The following DENND2C variants were observed in gnomAD, a reference collection of about 807,000 sequenced individuals.
The protein encoded by DENND2C is DENN domain-containing protein 2C.
In DENND2C, 72 loss-of-function variants were observed where a neutral mutation model predicts 112.4. That is an observed-to-expected ratio of 0.64 (90% CI 0.53 to 0.78). DENND2C has a LOEUF of 0.78. DENND2C is among the 30% of genes least tolerant of loss of function. DENND2C has a pLI of 0.00. For synonymous variants in DENND2C, 329 were observed against 381.6 expected (o/e 0.86, Z 1.61); for missense variants, 992 against 1,113.8 (o/e 0.89, Z 1.56).
At chr1:114,620,042 G>A (rs992980367) in intron 7 of DENND2C, among the ~76,000 whole-genome samples, 13 of 152,172 alleles carry the variant, frequency 8.5e-5, no homozygotes, top group Admixed American at 2.0e-4. Flanking sequence ...GGAAGGAAAG[G>A]AAGAGTGGGG....
At chr1:114,593,140 T>A (rs531334016) in intron 18 of DENND2C, among the ~76,000 whole-genome samples, 2 of 152,248 alleles carry the variant, frequency 1.3e-5, no homozygotes, top group African/African-American at 4.8e-5. Flanking sequence ...CCCACACTCC[T>A]GGCAGTTTAC....
At chr1:114,668,740 G>T (rs1033772726) in intron 1 of DENND2C, among the ~76,000 whole-genome samples, 1 of 151,974 alleles carries the variant, frequency 6.6e-6, no homozygotes, top group Admixed American at 6.6e-5. Flanking sequence ...GAACAAAAAC[G>T]TCTATAATAA....
intron 3 of DENND2C, among the ~76,000 whole-genome samples, chr1:114,627,541 A>G (rs1656379170): frequency 6.6e-6 from 1 of 151,848 alleles, no homozygotes; most frequent in Non-Finnish European, 1.5e-5. Flanking sequence ...TTCTGGGAAA[A>G]CCAGCTTTGC....
chr1:114,631,576 G>A lies in DENND2C; in HGVS notation c.-204-5388C>T, dbSNP rs373513881. On this transcript the variant is annotated intron_variant, in intron 3 of 20. Transcript: ENST00000393274. Reference sequence around the variant, plus strand: ...AGGCAGGCGGATCATGAGGTCAGGAGATCGAGACCATCCTGGCTAACACGG... The same window carrying A: ...AGGCAGGCGGATCATGAGGTCAGGAAATCGAGACCATCCTGGCTAACACGG... 5.3e-5 allele frequency among the ~76,000 whole-genome samples: 8 copies of A among 152,156 alleles called. No individual in the cohort carries two copies. The South Asian group carries it at 1.5e-3, about 28-fold the overall frequency.
chr1:114,598,911 G>A (rs1423769205), intron 16 of DENND2C, among the ~76,000 whole-genome samples: 1 of 151,920 alleles, frequency 6.6e-6, no homozygotes, highest in Non-Finnish European at 1.5e-5. Context: ...CAAACTCCTT[G>A]ACTTCAAGTG....
At chr1:114,626,760 C>G (rs1247394106) in intron 3 of DENND2C, among the ~76,000 whole-genome samples, 1 of 152,080 alleles carries the variant, frequency 6.6e-6, no homozygotes, top group East Asian at 1.9e-4. Context: ...CAATCCACCC[C>G]CTTGGCCTCC....
chr1:114,625,443 A>G lies in DENND2C; in HGVS notation c.542T>C (p.Leu181Pro). 4 of 1,614,180 alleles carry G rather than the reference A, an allele frequency of 2.5e-6. No individual in the cohort carries two copies. Among genetic ancestry groups the G allele is most frequent in the Non-Finnish European group, 3.4e-6 (4 of 1,180,030 alleles). ...CTTGGTTATTCCGTATGAACTATCC[A>G]GAACTCTGAAGTTCAGTTCTTTTTC... ...SSEKELNFRVLDSSYGITKSL... is the reference protein window; with the variant it reads ...SSEKELNFRVPDSSYGITKSL... Residue 181 changes from leucine to proline, a missense_variant, in exon 4 of 21, where the codon CTG becomes CCG. Leu to Pro is a moderately conservative substitution (Grantham distance 98). Transcript: ENST00000393274.
chr1:114,621,960 A>C lies in DENND2C; in HGVS notation c.1162T>G (p.Leu388Val). Residue 388 changes from leucine (L) to valine (V), a missense_variant, in exon 7 of 21, where the codon TTA becomes GTA. Leu to Val is a conservative substitution (Grantham distance 32, BLOSUM62 1). Coordinates refer to ENST00000393274, the MANE Select transcript of DENND2C (RefSeq NM_001256404.2). The part of the protein sequence containing the change: ...LTKDTTLPVT[L>V]TEWKLFRAGE... ...GCTCGGAAAAGCTTCCATTCCGTTA[A>C]AGTGACCGGCAAAGTTGTATCTTTT... The C allele has an allele frequency of 6.4e-7, 1 of 1,550,766 alleles. No homozygotes were observed. The highest frequency in any genetic ancestry group is 8.7e-7 in the Non-Finnish European group (1 of 1,147,016).
chr1:114,648,909 T>C (rs1657073051), intron 2 of DENND2C, among the ~76,000 whole-genome samples: 1 of 152,166 alleles, frequency 6.6e-6, no homozygotes, highest in African/African-American at 2.4e-5. Context: ...AATGCAATGT[T>C]ATTAACTGTC....
At chr1:114,621,856 G>A in intron 7 of DENND2C, 39 bp downstream of exon 7, 1 of 1,548,314 alleles carries the variant, frequency 6.5e-7, no homozygotes, top group South Asian at 1.2e-5. Context: ...TGGAAATGCT[G>A]AAGTAAGAGT....
Position 114,667,946 on chromosome 1 carries a change from C to A in DENND2C, c.-574+2037G>T, listed in dbSNP as rs77459421. Among the ~76,000 whole-genome samples, 256 of 152,216 alleles carry A rather than the reference C, an allele frequency of 1.7e-3. 5 individuals are homozygous for A. The South Asian group carries it at 0.028, about 17-fold the overall frequency. ...TACATGTAAAGAATTTAGAATACTG[C>A]CTGGCACAGACTAGGTACCAATGAA... is the stretch of plus-strand genomic sequence containing the variant. On this transcript the variant is annotated intron_variant, in intron 1 of 20. Transcript: ENST00000393274.
At chr1:114,654,015 A>G (rs937270149) in intron 2 of DENND2C, among the ~76,000 whole-genome samples, 1 of 152,240 alleles carries the variant, frequency 6.6e-6, no homozygotes, top group Non-Finnish European at 1.5e-5. Context: ...ATTAACTTTA[A>G]TCTGTAAGAA....
chr1:114,586,246 A>T (rs1015859201), intron 20 of DENND2C, among the ~76,000 whole-genome samples: 4 of 152,202 alleles, frequency 2.6e-5, no homozygotes, highest in African/African-American at 9.6e-5. Context: ...CTTGTAAGAA[A>T]TCCTCTTTTG....
At chr1:114,622,903 G>T in intron 6 of DENND2C, 84 bp downstream of exon 6, 1 of 1,010,910 alleles carries the variant, frequency 9.9e-7, no homozygotes, top group Non-Finnish European at 1.4e-6. Context: ...TCTTAGTTCT[G>T]GACCCAGTTA....
At chr1:114,640,184 C>A (rs1656785579) in intron 3 of DENND2C, among the ~76,000 whole-genome samples, 1 of 152,176 alleles carries the variant, frequency 6.6e-6, no homozygotes, top group Admixed American at 6.5e-5. Flanking sequence ...TTTCCCTTGG[C>A]TCCATAAAGT....
At chr1:114,599,558 A>T in intron 15 of DENND2C, 107 bp from the exon 16 acceptor site, 1 of 871,066 alleles carries the variant, frequency 1.1e-6, no homozygotes, top group Non-Finnish European at 1.6e-6. Context: ...GTGATCATAG[A>T]TTAAAAACTA....
At chr1:114,592,160 T>C (rs1353967146) in intron 18 of DENND2C, among the ~76,000 whole-genome samples, 1 of 151,998 alleles carries the variant, frequency 6.6e-6, no homozygotes, top group East Asian at 1.9e-4. Flanking sequence ...GCTGGGATTA[T>C]AGATGTGAGC....
At chr1:114,645,269 C>G (rs970292123) in intron 3 of DENND2C, among the ~76,000 whole-genome samples, 179 bp downstream of exon 3, 4 of 152,062 alleles carry the variant, frequency 2.6e-5, no homozygotes, top group Non-Finnish European at 5.9e-5. Context: ...GAGATCAGGT[C>G]TCTTGAGAGG....
chr1:114,625,128 A>G (rs548327532), intron 4 of DENND2C, 51 bp downstream of exon 4: 1 of 1,505,270 alleles, frequency 6.6e-7, no homozygotes, highest in South Asian at 1.4e-5. Flanking sequence ...AAGCTCAATA[A>G]TCCTGTAAGG....
Sources: gnomAD v4.1 joint callset for allele counts (sites outside exome capture counted in the v4.1 genomes callset) on GRCh38, gnomAD v4.1.1 for gene constraint, MANE v1.5 for transcripts, NCBI Gene and HGNC (gene_info 2026-07-23, HGNC 2026-07-21) for gene names.